SPTLC1: variants seen among roughly 807,000 people sequenced by gnomAD.
SPTLC1 encodes serine palmitoyltransferase long chain base subunit 1, also known as serine palmitoyltransferase 1.
SPTLC1 carries 55 observed loss-of-function variants against 68.9 expected under a neutral mutation model. The observed-to-expected ratio is 0.80, with a 90% confidence interval of 0.64 to 1.00. The LOEUF is 1.00. Among genes scored for constraint, SPTLC1 ranks in the 50% least tolerant of loss-of-function variants. The probability of loss-of-function intolerance (pLI) is 0.00; values close to 1 mark genes in which losing one functional copy is unlikely to be tolerated. For synonymous variants in SPTLC1, 197 were observed against 201.6 expected, an observed-to-expected ratio of 0.98 and a Z score of 0.19; for missense variants, 449 against 573.1, an observed-to-expected ratio of 0.78 and a Z score of 2.21.
chr9:92,073,341 G>C (rs1186235824), intron 5 of SPTLC1, among the ~76,000 whole-genome samples: 3 of 152,168 alleles, frequency 2.0e-5, no homozygotes, highest in Non-Finnish European at 4.4e-5. Context: ...GATGACTGCT[G>C]GCGCCTTGAG....
At chr9:92,115,190 A>C (rs1836405771) in intron 1 of SPTLC1, 124 bp downstream of exon 1, 1 of 921,970 alleles carries the variant, frequency 1.1e-6, no homozygotes, top group Non-Finnish European at 1.8e-6. Context: ...TTCCAGCAAG[A>C]GGCACCGAGT....
chr9:92,084,801 G>C (rs1353633577), intron 3 of SPTLC1, among the ~76,000 whole-genome samples: 1 of 151,828 alleles, frequency 6.6e-6, no homozygotes. Flanking sequence ...GATTGGAATA[G>C]TTTCAGAAGG....
At chr9:92,094,098 A>G (rs776435922) in intron 3 of SPTLC1, among the ~76,000 whole-genome samples, 8 of 152,214 alleles carry the variant, frequency 5.3e-5, no homozygotes, top group Non-Finnish European at 1.2e-4. Context: ...TTGGGACCTC[A>G]GGGTAGGAAA....
chr9:92,091,227 A>G (rs76542405), intron 3 of SPTLC1, among the ~76,000 whole-genome samples: 5 of 152,236 alleles, frequency 3.3e-5, no homozygotes, highest in South Asian at 2.1e-4. Context: ...CTTCACAATG[A>G]AACAGTATAC....
intron 9 of SPTLC1, among the ~76,000 whole-genome samples, chr9:92,049,397 C>T (rs1026815887): frequency 6.6e-6 from 1 of 152,126 alleles, no homozygotes; most frequent in Non-Finnish European, 1.5e-5. Context: ...AGTCTGGGTC[C>T]ATTTCCCTCA....
intron 13 of SPTLC1, among the ~76,000 whole-genome samples, chr9:92,036,381 C>A (rs989135019): frequency 6.6e-6 from 1 of 152,228 alleles, no homozygotes; most frequent in Non-Finnish European, 1.5e-5. Flanking sequence ...TCCTCCTCTG[C>A]GTCTCTTTGG....
At chr9:92,033,445 T>C (rs1399058692) in intron 14 of SPTLC1, among the ~76,000 whole-genome samples, 3 of 152,234 alleles carry the variant, frequency 2.0e-5, no homozygotes, top group Non-Finnish European at 4.4e-5. Context: ...TTGACACATA[T>C]TTATTGAGCT....
intron 8 of SPTLC1, chr9:92,051,088 T>C (rs1833690637): frequency 2.0e-6 from 2 of 985,328 alleles, no homozygotes; most frequent in Non-Finnish European, 2.4e-6. Flanking sequence ...TAGTATCTTC[T>C]GGTTCACTAC....
chr9:92,094,666 T>C (rs1408168909), intron 3 of SPTLC1, among the ~76,000 whole-genome samples: 3 of 152,206 alleles, frequency 2.0e-5, no homozygotes, highest in Non-Finnish European at 4.4e-5. Flanking sequence ...AACCTCATAG[T>C]TTTATCGTCC....
intron 8 of SPTLC1, among the ~76,000 whole-genome samples, chr9:92,052,562 C>T (rs1055144995): frequency 1.3e-5 from 2 of 151,340 alleles, no homozygotes; most frequent in African/African-American, 2.4e-5. Context: ...CAGAGTCTCG[C>T]TCTGTTGCCC....
chr9:92,078,820 C>A (rs571758153), intron 5 of SPTLC1, among the ~76,000 whole-genome samples: 30 of 152,290 alleles, frequency 2.0e-4, no homozygotes, highest in Middle Eastern at 3.4e-3. Flanking sequence ...GATTCCTGGA[C>A]ACTACTTCTC....
At chr9:92,087,159 A>G (rs1036125870) in intron 3 of SPTLC1, among the ~76,000 whole-genome samples, 25 of 152,050 alleles carry the variant, frequency 1.6e-4, no homozygotes, top group Non-Finnish European at 2.6e-4. Flanking sequence ...TTTTTTTCAA[A>G]GTTTTTAACT....
intron 6 of SPTLC1, among the ~76,000 whole-genome samples, chr9:92,066,822 T>C (rs578173381): frequency 6.6e-6 from 1 of 150,674 alleles, no homozygotes; most frequent in African/African-American, 2.4e-5. Context: ...CTACTAAAAA[T>C]ACAAAAAATT....
At chr9:92,093,955 C>G (rs775200736) in intron 3 of SPTLC1, among the ~76,000 whole-genome samples, 1 of 152,128 alleles carries the variant, frequency 6.6e-6, no homozygotes, top group Non-Finnish European at 1.5e-5. Context: ...AGCAGTTACC[C>G]CACAAACCAC....
intron 8 of SPTLC1, among the ~76,000 whole-genome samples, chr9:92,051,630 AG>A (rs1314786978): frequency 6.6e-6 from 1 of 152,238 alleles, no homozygotes; most frequent in East Asian, 1.9e-4. Context: ...CAGGGCAATC[AG>A]GCAAGAAAGA....
chr9:92,033,299 C>T (rs1833035878), intron 14 of SPTLC1, among the ~76,000 whole-genome samples: 1 of 152,204 alleles, frequency 6.6e-6, no homozygotes. Context: ...ATGTCAATAG[C>T]AATGTGAAAG....
At chr9:92,055,350 G>T in intron 8 of SPTLC1, 55 bp downstream of exon 8, 1 of 1,609,826 alleles carries the variant, frequency 6.2e-7, no homozygotes, top group Non-Finnish European at 8.5e-7. Context: ...TAAACAAAAG[G>T]CACATCTGTC....
At position 92,067,914 on chromosome 9, in the gene SPTLC1, C is replaced by T. The variant is rs376378979; in HGVS notation, c.560+52G>A. The T allele has an allele frequency of 4.8e-5, 76 of 1,567,364 alleles. No homozygotes were observed. In the African/African-American group the frequency reaches 8.3e-4, roughly 17 times the overall value. On this transcript the variant is annotated intron_variant, in intron 6 of 14. Transcript: ENST00000262554. ...TAATGAAGTATTTCTCTAAGACAGT[C>T]AGTATTATTTCAAAGGAACTGCTAT...
chr9:92,112,682 C>T lies in SPTLC1; in HGVS notation c.58-120G>A, dbSNP rs576406889. On this transcript the variant is annotated intron_variant, in intron 1 of 14. Coordinates refer to ENST00000262554, the MANE Select transcript of SPTLC1 (RefSeq NM_006415.4). ...CTTTTAGCCTATTCTTAACAATTTA[C>T]TTTCGAAGCTCCCTTAATTTCTATT... The T allele has an allele frequency of 1.4e-5, 9 of 657,210 alleles. No homozygotes were observed. The East Asian group carries it at 2.2e-4, about 16-fold the overall frequency. 40.7% of individuals were successfully genotyped at this position (657,210 alleles called of 1,614,324 possible).
Sources: allele counts gnomAD v4.1 joint callset (sites outside exome capture counted in the v4.1 genomes callset), GRCh38; gene constraint gnomAD v4.1.1; transcripts MANE v1.5; gene names NCBI Gene and HGNC (gene_info 2026-07-23, HGNC 2026-07-21).